ST6GAL1: variants seen among roughly 807,000 people sequenced by gnomAD.
ST6GAL1 encodes beta-galactoside alpha-2,6-sialyltransferase 1.
A neutral mutation model predicts 38.0 loss-of-function variants in ST6GAL1; 20 were observed. That is an observed-to-expected ratio of 0.53 (90% CI 0.37 to 0.77). The LOEUF is 0.77. Among genes scored for constraint, ST6GAL1 ranks in the 30% least tolerant of loss-of-function variants. The pLI, the probability that ST6GAL1 is intolerant of heterozygous loss-of-function variation, is 0.00. For missense variants in ST6GAL1, 432 were observed against 496.4 expected, an observed-to-expected ratio of 0.87 and a Z score of 1.23; for synonymous variants, 196 against 188.2, an observed-to-expected ratio of 1.04 and a Z score of -0.34.
intron 2 of ST6GAL1, among the ~76,000 whole-genome samples, chr3:186,997,242 C>T (rs896073373): frequency 7.9e-5 from 12 of 152,220 alleles, no homozygotes; most frequent in East Asian, 1.9e-4. Context: ...CACTGTCATA[C>T]GTGTTATCTC....
rs150302098 is a variant in ST6GAL1 at position 187,040,589 on chromosome 3, A to C, written c.-51+1716A>C. Among the ~76,000 whole-genome samples, 133 of 152,334 alleles carry C rather than the reference A, an allele frequency of 8.7e-4. No homozygotes were observed. In the East Asian group the frequency reaches 0.024, roughly 27 times the overall value. On this transcript the variant is annotated intron_variant, in intron 3 of 7. Transcript: ENST00000169298. Reference sequence around the variant, plus strand: ...AATATCTCTATCATAGTGTTGTAGTAAAGGTTCAATGAGATATTGCAAGGA... The same window carrying C: ...AATATCTCTATCATAGTGTTGTAGTCAAGGTTCAATGAGATATTGCAAGGA...
rs68068581 is a variant in ST6GAL1 at position 187,024,474 on chromosome 3, G to GTATA, written c.-182-14251_-182-14248dup. ...CACACATATATACACATATATATGT[G>GTATA]TATATATATATATATATATAGAGAG... is the stretch of plus-strand genomic sequence containing the variant. On this transcript the variant is annotated intron_variant, in intron 2 of 7. Coordinates refer to ENST00000169298, the MANE Select transcript of ST6GAL1 (RefSeq NM_173216.2). 2.8e-3 allele frequency among the ~76,000 whole-genome samples: 385 copies of GTATA among 135,236 alleles called. 1 individual carries two copies. The highest frequency in any genetic ancestry group is 4.2e-3 in the Admixed American group (56 of 13,290). The allele number at this position is 135,236 out of a possible 152,430, so 88.7% of individuals were successfully genotyped here. A position where few individuals can be genotyped will look rare whatever the true frequency, so the allele number is the denominator to read the frequency against.
intron 2 of ST6GAL1, chr3:187,038,332 T>C (rs1718008250): frequency 6.6e-6 from 1 of 152,034 alleles, no homozygotes; most frequent in Admixed American, 6.6e-5. Context: ...CAGCCTCCCT[T>C]GTAGCTGGGA....
chr3:187,060,522 A>G (rs970664565), intron 5 of ST6GAL1, among the ~76,000 whole-genome samples: 2 of 152,196 alleles, frequency 1.3e-5, no homozygotes, highest in African/African-American at 2.4e-5. Flanking sequence ...ACTGGCTTTC[A>G]TCTGAGCAGA....
At chr3:187,073,060 G>A in intron 6 of ST6GAL1, 113 bp downstream of exon 6, 1 of 804,608 alleles carries the variant, frequency 1.2e-6, no homozygotes, top group Non-Finnish European at 2.1e-6. Context: ...TAAAGGCTGG[G>A]TATTTGAGTT....
intron 2 of ST6GAL1, among the ~76,000 whole-genome samples, chr3:187,038,053 T>G (rs890826003): frequency 6.6e-6 from 1 of 152,042 alleles, no homozygotes; most frequent in African/African-American, 2.4e-5. Context: ...TTTTTGAAAA[T>G]CTGTATGAAG....
chr3:187,034,756 A>G (rs998100329), intron 2 of ST6GAL1, among the ~76,000 whole-genome samples: 7 of 152,194 alleles, frequency 4.6e-5, no homozygotes, highest in African/African-American at 1.7e-4. Flanking sequence ...CACATACCTC[A>G]AAATAATAAG....
intron 5 of ST6GAL1, among the ~76,000 whole-genome samples, chr3:187,056,134 C>CT (rs749332502): frequency 2.6e-5 from 4 of 151,838 alleles, no homozygotes; most frequent in Non-Finnish European, 2.9e-5. Flanking sequence ...GCAACCCCTG[C>CT]TTTTTTTTGC....
At chr3:187,054,101 G>A (rs934206152) in intron 5 of ST6GAL1, among the ~76,000 whole-genome samples, 8 of 152,138 alleles carry the variant, frequency 5.3e-5, no homozygotes, top group African/African-American at 1.9e-4. Flanking sequence ...CTCTCTGTTT[G>A]TCTGTTATTG....
intron 2 of ST6GAL1, among the ~76,000 whole-genome samples, chr3:187,010,635 C>T (rs1169913293): frequency 6.6e-6 from 1 of 152,028 alleles, no homozygotes; most frequent in African/African-American, 2.4e-5. Context: ...AGACAGACTC[C>T]ATCTTGGCTC....
At chr3:187,059,249 G>T (rs1197406199) in intron 5 of ST6GAL1, among the ~76,000 whole-genome samples, 5 of 152,196 alleles carry the variant, frequency 3.3e-5, no homozygotes, top group African/African-American at 1.2e-4. Context: ...GGAGGTGGAG[G>T]TGTAGAAGAA....
chr3:186,959,279 A>G lies in ST6GAL1; in HGVS notation c.-324-4506A>G, dbSNP rs1453444122. Among the ~76,000 whole-genome samples the G allele has an allele frequency of 3.9e-5, 6 of 152,116 alleles. 1 individual carries two copies. Among genetic ancestry groups the G allele is most frequent in the Admixed American group, 3.3e-4 (5 of 15,270 alleles). ...TACTTAGTTTCAGCTCTTTGCTGGA[A>G]TCTCTTGGCCTAGCACTAAAGGGAA... On this transcript the variant is annotated intron_variant, in intron 1 of 7. Coordinates refer to ENST00000169298, the MANE Select transcript of ST6GAL1 (RefSeq NM_173216.2).
intron 2 of ST6GAL1, among the ~76,000 whole-genome samples, chr3:186,990,241 C>T (rs1052407856): frequency 2.6e-5 from 4 of 152,130 alleles, no homozygotes; most frequent in African/African-American, 4.8e-5. Flanking sequence ...ACCATATTGG[C>T]CAGGCTGGTC....
At chr3:186,943,102 A>G (rs1267202404) in intron 1 of ST6GAL1, among the ~76,000 whole-genome samples, 1 of 152,226 alleles carries the variant, frequency 6.6e-6, no homozygotes, top group Non-Finnish European at 1.5e-5. Context: ...ATTACAATAT[A>G]GTGTGATAAA....
At chr3:186,971,237 C>T (rs767507161) in intron 2 of ST6GAL1, among the ~76,000 whole-genome samples, 23 of 152,194 alleles carry the variant, frequency 1.5e-4, no homozygotes, top group African/African-American at 2.9e-4. Context: ...TACAGGTGTG[C>T]GCCACCATGC....
intron 1 of ST6GAL1, among the ~76,000 whole-genome samples, chr3:186,938,890 A>G (rs1165262927): frequency 2.0e-5 from 3 of 152,032 alleles, no homozygotes; most frequent in Non-Finnish European, 1.5e-5. Flanking sequence ...CACATGATAC[A>G]TATTTGAGGC....
chr3:186,941,070 A>G (rs1214875692), intron 1 of ST6GAL1, among the ~76,000 whole-genome samples: 1 of 152,172 alleles, frequency 6.6e-6, no homozygotes, highest in African/African-American at 2.4e-5. Context: ...GGCTGTTTGC[A>G]TGGAAGGTTA....
At chr3:186,995,588 A>G (rs1716376300) in intron 2 of ST6GAL1, among the ~76,000 whole-genome samples, 1 of 151,992 alleles carries the variant, frequency 6.6e-6, no homozygotes, top group Non-Finnish European at 1.5e-5. Flanking sequence ...TCACTCCTGT[A>G]ATCCTAGCAC....
At chr3:187,029,464 G>A (rs1431326717) in intron 2 of ST6GAL1, among the ~76,000 whole-genome samples, 3 of 152,176 alleles carry the variant, frequency 2.0e-5, no homozygotes, top group African/African-American at 4.8e-5. Context: ...GGCTCTGTTA[G>A]GGGGTTTGAG....
Sources: allele counts gnomAD v4.1 joint callset (sites outside exome capture counted in the v4.1 genomes callset), GRCh38; gene constraint gnomAD v4.1.1; transcripts MANE v1.5; gene names NCBI Gene and HGNC (gene_info 2026-07-23, HGNC 2026-07-21).